Variants in HIVEP1 observed in about 807,000 individuals in gnomAD.
The protein encoded by HIVEP1 is zinc finger protein 40.
A neutral mutation model predicts 180.0 loss-of-function variants in HIVEP1; 36 were observed. That is an observed-to-expected ratio of 0.20 (90% CI 0.15 to 0.26). The LOEUF (loss-of-function observed/expected upper bound fraction) is 0.26, where lower values mean the gene tolerates loss of function less well. HIVEP1 is among the 10% of genes least tolerant of loss of function. The probability of loss-of-function intolerance (pLI) is 1.00; values close to 1 mark genes in which losing one functional copy is unlikely to be tolerated. For missense variants in HIVEP1, 3,143 were observed against 3,268.7 expected (o/e 0.96, Z 0.94); for synonymous variants, 1,239 against 1,239.0 (o/e 1.00, Z 0.00).
At chr6:12,193,400 G>A in the HIVEP1 span, among the ~76,000 whole-genome samples, 1 of 152,070 alleles carries the variant, frequency 6.6e-6, no homozygotes, top group Non-Finnish European at 1.5e-5. Context: ...GAATCAATGC[G>A]ATAAATATTT....
chr6:12,161,443 A>G lies in HIVEP1; in HGVS notation c.6492A>G (p.Glu2164=), dbSNP rs761720745. ...IDEQDTEESD[E]KQRFSYERSG... ...CCTCTTGGTTGTTTTTATTAGATGA[A>G]AAACAGAGATTCAGTTATGAGCGAT... The change falls in exon 8 of 9, where the codon GAA becomes GAG. Residue 2164 remains glutamate (E), a synonymous_variant. Transcript: ENST00000379388. 3 of 1,608,240 alleles carry G rather than the reference A, an allele frequency of 1.9e-6. No individual in the cohort carries two copies. The highest frequency in any genetic ancestry group is 2.6e-6 in the Non-Finnish European group (3 of 1,175,772).
chr6:12,153,772 T>C (rs1759849336), intron 7 of HIVEP1, among the ~76,000 whole-genome samples: 1 of 151,926 alleles, frequency 6.6e-6, no homozygotes, highest in South Asian at 2.1e-4. Context: ...TAGTGAGAAG[T>C]CTTGATTTGA....
chr6:12,169,972 G>T (rs1760854661), downstream of HIVEP1, among the ~76,000 whole-genome samples: 1 of 151,892 alleles, frequency 6.6e-6, no homozygotes, highest in Middle Eastern at 3.4e-3. Flanking sequence ...TACAAAAAAA[G>T]TAGCCGGGGG....
chr6:12,208,279 T>A, the HIVEP1 span, among the ~76,000 whole-genome samples: 1 of 152,208 alleles, frequency 6.6e-6, no homozygotes, highest in East Asian at 1.9e-4. Context: ...ATGACTTTGT[T>A]TTGTACAGCT....
At chr6:12,201,674 T>G in the HIVEP1 span, among the ~76,000 whole-genome samples, 1 of 152,262 alleles carries the variant, frequency 6.6e-6, no homozygotes, top group East Asian at 1.9e-4. Flanking sequence ...CTTTTGATCC[T>G]AATTCTGTTC....
In HIVEP1 at chr6:12,121,307, A is replaced by T. The variant is rs1352277692; in HGVS notation, c.1512A>T (p.Arg504Ser). The T allele has an allele frequency of 3.1e-6, 5 of 1,614,192 alleles. No homozygotes were observed. Among genetic ancestry groups the T allele is most frequent in the Non-Finnish European group, 4.2e-6 (5 of 1,180,030 alleles). ...AGGAGGAAGGCGCCACTGATGAGAGACAGCATGACCTGGGCGCCATGGAGC... is the reference window on the plus strand; with the variant it reads ...AGGAGGAAGGCGCCACTGATGAGAGTCAGCATGACCTGGGCGCCATGGAGC... Reference protein sequence around the residue: ...ESEEEGATDERQHDLGAMELQ... With the variant: ...ESEEEGATDESQHDLGAMELQ... Residue 504 changes from arginine to serine, a missense_variant, in exon 4 of 9, where the codon AGA becomes AGT. By Grantham distance (110) the Arg-to-Ser change is moderately radical (BLOSUM62 -1). Transcript: ENST00000379388. The surrounding 1 kb of genome is among the most constrained non-coding windows in gnomAD (Gnocchi z 5.3).
intron 2 of HIVEP1, among the ~76,000 whole-genome samples, chr6:12,082,013 T>C (rs1772821183): frequency 6.6e-6 from 1 of 152,288 alleles, no homozygotes. Flanking sequence ...AATGCTGTTC[T>C]CTTGACTTCT....
At chr6:12,102,315 T>A (rs973108256) in intron 3 of HIVEP1, among the ~76,000 whole-genome samples, 1 of 152,146 alleles carries the variant, frequency 6.6e-6, no homozygotes, top group African/African-American at 2.4e-5. Flanking sequence ...CATGGAATAT[T>A]CTTCAGGATA....
At chr6:12,032,491 G>T (rs1479587883) in intron 2 of HIVEP1, among the ~76,000 whole-genome samples, 1 of 151,938 alleles carries the variant, frequency 6.6e-6, no homozygotes, top group Non-Finnish European at 1.5e-5. Flanking sequence ...TGGTTTAGTG[G>T]GGGAAAAAAA....
At chr6:12,183,974 A>AAGATGATAGAT in the HIVEP1 span, among the ~76,000 whole-genome samples, 3 of 134,792 alleles carry the variant, frequency 2.2e-5, no homozygotes, top group African/African-American at 8.8e-5. Flanking sequence ...TCACATTGTA[A>AAGATGATAGAT]AGATAGATAG....
At chr6:12,074,642 G>GTT (rs1554139008) in intron 2 of HIVEP1, among the ~76,000 whole-genome samples, 3 of 150,128 alleles carry the variant, frequency 2.0e-5, no homozygotes, top group African/African-American at 7.3e-5. Context: ...GTGTGTGTGT[G>GTT]TGCGCGCGCG....
intron 2 of HIVEP1, among the ~76,000 whole-genome samples, chr6:12,083,457 A>T (rs919626078): frequency 6.6e-6 from 1 of 152,122 alleles, no homozygotes. Context: ...CCTGGCAACT[A>T]TGTGCTCTGT....
chr6:12,054,531 C>T (rs1311446896), intron 2 of HIVEP1, among the ~76,000 whole-genome samples: 1 of 152,134 alleles, frequency 6.6e-6, no homozygotes, highest in Non-Finnish European at 1.5e-5. Context: ...GCACAGTTGG[C>T]ATCATACAGT....
chr6:12,164,027 C>G lies in HIVEP1; in HGVS notation c.7723C>G (p.Gln2575Glu). ...AQGAPEMPAS[Q>E]SKACETQPKQ... Reference sequence around the variant, plus strand: ...GGGAGCTCCAGAAATGCCAGCTTCCCAAAGCAAAGCATGCGAGACACAACC... The same window carrying G: ...GGGAGCTCCAGAAATGCCAGCTTCCGAAAGCAAAGCATGCGAGACACAACC... Residue 2575 changes from glutamine (Q) to glutamate (E), a missense_variant, in exon 9 of 9, where the codon CAA becomes GAA. By Grantham distance (29) the Gln-to-Glu change is conservative. Around this residue, in one of 12 missense-constraint regions of HIVEP1, gnomAD observed 595 missense variants for 602.2 expected, o/e 0.99. Coordinates refer to ENST00000379388, the MANE Select transcript of HIVEP1 (RefSeq NM_002114.4). 6.2e-7 allele frequency: 1 copy of G among 1,614,052 alleles called. No individual in the cohort carries two copies. The highest frequency in any genetic ancestry group is 1.1e-5 in the South Asian group (1 of 91,080).
At chr6:12,129,679 A>G (rs1758309165) in intron 4 of HIVEP1, 80 bp from the exon 5 acceptor site, 2 of 1,151,070 alleles carry the variant, frequency 1.7e-6, no homozygotes, top group Non-Finnish European at 2.6e-6. Flanking sequence ...GTACTCTGCC[A>G]TGTTTTAATT....
chr6:12,190,549 C>T, the HIVEP1 span, among the ~76,000 whole-genome samples: 8 of 152,176 alleles, frequency 5.3e-5, no homozygotes, highest in Non-Finnish European at 1.0e-4. Flanking sequence ...TCTGCATTAT[C>T]GGGCTCCCTC....
At chr6:12,192,702 T>C in the HIVEP1 span, among the ~76,000 whole-genome samples, 1 of 152,186 alleles carries the variant, frequency 6.6e-6, no homozygotes, top group South Asian at 2.1e-4. Flanking sequence ...TCCTGAGGCC[T>C]CCCAGCCATG....
chr6:12,013,275 T>C (rs1767509032), intron 1 of HIVEP1, among the ~76,000 whole-genome samples: 1 of 152,228 alleles, frequency 6.6e-6, no homozygotes, highest in South Asian at 2.1e-4. Flanking sequence ...TTTCCCAGGC[T>C]CCGCCCTCCA....
chr6:12,140,162 T>C (rs989648262), intron 7 of HIVEP1, among the ~76,000 whole-genome samples: 2 of 152,184 alleles, frequency 1.3e-5, no homozygotes, highest in African/African-American at 4.8e-5. Context: ...GCACCAATAT[T>C]TGCCGTTCTG....
Sources: allele counts gnomAD v4.1 joint callset (sites outside exome capture counted in the v4.1 genomes callset), GRCh38; gene constraint gnomAD v4.1.1; regional missense constraint gnomAD v4.1.1; non-coding constraint Gnocchi (gnomAD v3.1); transcripts MANE v1.5; gene names NCBI Gene and HGNC (gene_info 2026-07-23, HGNC 2026-07-21).